Variants in KCNAB3 observed in about 807,000 individuals in gnomAD.
KCNAB3 encodes potassium voltage-gated channel subfamily A regulatory beta subunit 3.
In KCNAB3, 62 loss-of-function variants were observed where a neutral mutation model predicts 67.7. The observed-to-expected ratio is 0.92, with a 90% confidence interval of 0.75 to 1.13. The LOEUF (loss-of-function observed/expected upper bound fraction) is 1.13. Ranked by LOEUF, KCNAB3 falls within the 50% of genes most tolerant of loss-of-function variation. KCNAB3 has a pLI of 0.00. For synonymous variants in KCNAB3, 212 were observed against 205.4 expected (o/e 1.03, Z -0.27); for missense variants, 514 against 522.9 (o/e 0.98, Z 0.17).
rs1227137013 is a variant in KCNAB3 at position 7,929,699 on chromosome 17, A to C, written c.-264T>G. ...TACGGGGGACACAGGAGCAAGGATT[A>C]GGAGGGGGAAATGGATGAGGGTAAA... On this transcript the variant is annotated 5_prime_UTR_variant, in exon 1 of 14. Transcript: ENST00000303790. The surrounding 1 kb of genome is among the most constrained non-coding windows in gnomAD (Gnocchi z 5.7). 34 of 1,344,896 alleles carry C rather than the reference A, an allele frequency of 2.5e-5. No individual in the cohort carries two copies. The highest frequency in any genetic ancestry group is 3.2e-5 in the Non-Finnish European group (34 of 1,047,634). 83.3% of individuals were successfully genotyped at this position (1,344,896 alleles called of 1,614,324 possible).
chr17:7,927,965 G>A, intron 1 of KCNAB3, 139 bp from the exon 2 acceptor site: 1 of 958,498 alleles, frequency 1.0e-6, no homozygotes, highest in South Asian at 1.3e-5. Flanking sequence ...GGGCCTATAA[G>A]ATTGGGCAAG....
At chr17:7,925,870 CAT>C in intron 6 of KCNAB3, 59 bp downstream of exon 6, 1 of 1,516,026 alleles carries the variant, frequency 6.6e-7, no homozygotes, top group Non-Finnish European at 9.2e-7. Context: ...ACCCCCACCC[CAT>C]ACACCTTCAC....
At position 7,927,803 on chromosome 17, in the gene KCNAB3, C is replaced by T. The variant is rs752938707; in HGVS notation, c.266G>A (p.Arg89Gln). The change falls in exon 2 of 14, where the codon CGG becomes CAG. Residue 89 changes from arginine to glutamine, a missense_variant. Arg to Gln is a conservative substitution (Grantham distance 43). Transcript: ENST00000303790. ...CTCACCTAGGCCAAGACAGGATACC[C>T]GAAGACCAGACTTCCCTAGGTTCCT... ...KYRNLGKSGL[R>Q]VSCLGLGTWV... is the part of the protein sequence containing the mutation. The T allele has an allele frequency of 1.4e-5, 23 of 1,614,158 alleles. No individual in the cohort carries two copies. Among genetic ancestry groups the T allele is most frequent in the African/African-American group, 2.7e-5 (2 of 75,032 alleles).
At chr17:7,926,533 A>G (rs1972238323) in intron 4 of KCNAB3, among the ~76,000 whole-genome samples, 1 of 152,184 alleles carries the variant, frequency 6.6e-6, no homozygotes, top group Non-Finnish European at 1.5e-5. Flanking sequence ...TCTGAGTGCC[A>G]CAATCTATGG....
In KCNAB3 at chr17:7,923,985, A is replaced by G. The variant is rs773665896; in HGVS notation, c.910T>C (p.Cys304Arg). The change falls in exon 11 of 14, where the codon TGC becomes CGC. Residue 304 changes from cysteine (C) to arginine (R), a missense_variant. Coordinates refer to ENST00000303790, the MANE Select transcript of KCNAB3 (RefSeq NM_004732.4). Reference protein sequence around the residue: ...SKYDGRVPDTCRASIKGYQWL... With the variant: ...SKYDGRVPDTRRASIKGYQWL... ...GATCTCACCTTGATGGAGGCCCTGC[A>G]AGTATCTGGGACTCGCCCATCATAC... The G allele has an allele frequency of 1.9e-6, 3 of 1,613,112 alleles. No individual in the cohort carries two copies. The highest frequency in any genetic ancestry group is 1.7e-6 in the Non-Finnish European group (2 of 1,179,832).
At position 7,924,401 on chromosome 17, in the gene KCNAB3, G is replaced by T; in HGVS notation, c.711+14C>A. 6.2e-7 allele frequency: 1 copy of T among 1,612,518 alleles called. No individual in the cohort carries two copies. Among genetic ancestry groups the T allele is most frequent in the Non-Finnish European group, 8.5e-7 (1 of 1,178,964 alleles). On this transcript the variant is annotated intron_variant, in intron 9 of 13. Coordinates refer to ENST00000303790, the MANE Select transcript of KCNAB3 (RefSeq NM_004732.4). ...CAGTTGTGGGACAGGGGCAAGGTGG[G>T]GTCACACACTCACCATGATTTCTGC...
intron 1 of KCNAB3, chr17:7,928,294 G>A (rs906133540): frequency 4.9e-6 from 1 of 204,214 alleles, no homozygotes; most frequent in Non-Finnish European, 1.0e-5. Context: ...CAGACAGACA[G>A]GGGTCCCTGG....
Position 7,929,276 on chromosome 17 carries a change from G to T in KCNAB3, c.160C>A (p.Arg54=). Residue 54 remains arginine, a synonymous_variant, in exon 1 of 14, where the codon CGA becomes AGA. Transcript: ENST00000303790. This position sits in a 1 kb window ranked among gnomAD's most constrained non-coding sequence, Gnocchi z 5.7. ...PGGGGSGPKA[R]AALVPRPPAP... Reference sequence around the variant, plus strand: ...GGGGGTCGGGGAACCAGTGCAGCTCGGGCCTTGGGGCCAGACCCTCCACCC... The same window carrying T: ...GGGGGTCGGGGAACCAGTGCAGCTCTGGCCTTGGGGCCAGACCCTCCACCC... The T allele has an allele frequency of 1.3e-6, 2 of 1,596,630 alleles. No homozygotes were observed. Among genetic ancestry groups the T allele is most frequent in the Non-Finnish European group, 1.7e-6 (2 of 1,172,338 alleles).
Position 7,929,784 on chromosome 17 carries a change from A to T in KCNAB3, c.-349T>A, listed in dbSNP as rs1471057068. On this transcript the variant is annotated 5_prime_UTR_variant, in exon 1 of 14. Coordinates refer to ENST00000303790, the MANE Select transcript of KCNAB3 (RefSeq NM_004732.4). This position sits in a 1 kb window ranked among gnomAD's most constrained non-coding sequence, Gnocchi z 5.7. ...GACCCAGGGGGAAGCGGGGCGGGAG[A>T]GAGATGCCACTTCAGCGCGAACCGC... The T allele has an allele frequency of 3.5e-6, 4 of 1,139,086 alleles. No individual in the cohort carries two copies. The highest frequency in any genetic ancestry group is 3.2e-6 in the Non-Finnish European group (3 of 923,368). The allele number at this position is 1,139,086 out of a possible 1,614,324, so 70.6% of individuals were successfully genotyped here.
chr17:7,927,146 C>T (rs1049611033), intron 4 of KCNAB3, 198 bp downstream of exon 4: 12 of 641,840 alleles, frequency 1.9e-5, no homozygotes, highest in East Asian at 2.6e-5. Context: ...CTGCACAGTA[C>T]GCCCATTGAC....
chr17:7,924,188 C>G lies in KCNAB3; in HGVS notation c.789G>C (p.Arg263Ser). The G allele has an allele frequency of 6.2e-7, 1 of 1,614,228 alleles. No homozygotes were observed. Among genetic ancestry groups the G allele is most frequent in the Non-Finnish European group, 8.5e-7 (1 of 1,180,040 alleles). ...CEQAEHHLFQREKVEMQLPEL... is the reference protein window; with the variant it reads ...CEQAEHHLFQSEKVEMQLPEL... Reference sequence around the variant, plus strand: ...CTGGCAGCTGCATCTCCACCTTCTCCCTCTGAAACAGATGGTGCTCCGCTT... The same window carrying G: ...CTGGCAGCTGCATCTCCACCTTCTCGCTCTGAAACAGATGGTGCTCCGCTT... The change falls in exon 10 of 14, where the codon AGG (arginine) becomes AGC (serine). Residue 263 changes from arginine (R) to serine (S), a missense_variant. Coordinates refer to ENST00000303790, the MANE Select transcript of KCNAB3 (RefSeq NM_004732.4).
At position 7,924,425 on chromosome 17, in the gene KCNAB3, G is replaced by A. The variant is rs780427394; in HGVS notation, c.701C>T (p.Ala234Val). The A allele has an allele frequency of 2.1e-5, 34 of 1,613,744 alleles. No individual in the cohort carries two copies. The highest frequency in any genetic ancestry group is 1.2e-4 in the South Asian group (11 of 91,024). ...LYWGTSRWGAAEIMEAYSMAR... is the reference protein window; with the variant it reads ...LYWGTSRWGAVEIMEAYSMAR... ...GGGTCACACACTCACCATGATTTCT[G>A]CAGCCCCCCATCGGGATGTCCCCCA... The change falls in exon 9 of 14, where the codon GCA (alanine) becomes GTA (valine). Residue 234 changes from alanine to valine, a missense_variant. By Grantham distance (64) the Ala-to-Val change is moderately conservative. Transcript: ENST00000303790.
intron 2 of KCNAB3, 33 bp downstream of exon 2, chr17:7,927,750 G>A: frequency 1.2e-6 from 2 of 1,614,142 alleles, no homozygotes; most frequent in Non-Finnish European, 1.7e-6. Flanking sequence ...ATGAAAGAAT[G>A]CCCTCCTTTC....
In KCNAB3 at chr17:7,925,099, T is replaced by G. The variant is rs963454974; in HGVS notation, c.623A>C (p.Glu208Ala). ...ANRSDPNCPMEEIVRAMTYVI... is the reference protein window; with the variant it reads ...ANRSDPNCPMAEIVRAMTYVI... ...AGGTTTGGGGGTGCTGCTTTTACCC[T>G]CCATAGGACAGTTGGGGTCTGAGCG... Residue 208 changes from glutamate (E) to alanine (A), a missense_variant and splice_region_variant, in exon 8 of 14, where the codon GAG (glutamate) becomes GCG (alanine). Physicochemically the swap from Glu to Ala is moderately radical, Grantham distance 107. Transcript: ENST00000303790. The G allele has an allele frequency of 2.5e-6, 4 of 1,611,702 alleles. No individual in the cohort carries two copies. In the African/African-American group the frequency reaches 5.3e-5, roughly 22 times the overall value.
chr17:7,928,453 A>C (rs1195395748), intron 1 of KCNAB3: 1 of 161,482 alleles, frequency 6.2e-6, no homozygotes, highest in African/African-American at 2.4e-5. Context: ...GAGCCCCCTC[A>C]TCCTCCCAAA....
At chr17:7,925,053 G>T in intron 8 of KCNAB3, 44 bp downstream of exon 8, 1 of 1,562,142 alleles carries the variant, frequency 6.4e-7, no homozygotes, top group South Asian at 1.1e-5. Context: ...GCAAGGAAGT[G>T]CTCAGTTTTG....
rs150548205 is a variant in KCNAB3, at chr17:7,926,367, A to T, written c.405-264T>A. ...GTGGGTGCCAAAAAGATAGAATAGG[A>T]TGAGGGGAGAGGGGCCAACTATGGT... is the stretch of plus-strand genomic sequence containing the variant. On this transcript the variant is annotated intron_variant, in intron 4 of 13. Coordinates refer to ENST00000303790, the MANE Select transcript of KCNAB3 (RefSeq NM_004732.4). 5.3e-4 allele frequency among the ~76,000 whole-genome samples: 80 copies of T among 152,306 alleles called. 2 individuals carry two copies. In the East Asian group the frequency reaches 0.013, roughly 26 times the overall value.
At position 7,929,348 on chromosome 17, in the gene KCNAB3, C is replaced by A. The variant is rs1972349599; in HGVS notation, c.88G>T (p.Gly30Cys). 2 of 1,549,758 alleles carry A rather than the reference C, an allele frequency of 1.3e-6. No individual in the cohort carries two copies. The highest frequency in any genetic ancestry group is 2.4e-5 in the East Asian group (1 of 40,908). Residue 30 changes from glycine (G) to cysteine (C), a missense_variant, in exon 1 of 14, where the codon GGC (glycine) becomes TGC (cysteine). Transcript: ENST00000303790. The surrounding 1 kb of genome is among the most constrained non-coding windows in gnomAD (Gnocchi z 5.7). The part of the protein sequence containing the change: ...RLCGPRPGPG[G>C]GNGGPAGGGH... Reference sequence around the variant, plus strand: ...CCGCCGGCCGGCCCACCATTACCGCCCCCGGGGCCCGGCCGGGGTCCACAC... The same window carrying A: ...CCGCCGGCCGGCCCACCATTACCGCACCCGGGGCCCGGCCGGGGTCCACAC...
Position 7,924,014 on chromosome 17 carries a change from C to A in KCNAB3, c.881G>T (p.Ser294Ile). 1.2e-6 allele frequency: 2 copies of A among 1,613,942 alleles called. No homozygotes were observed. The highest frequency in any genetic ancestry group is 1.7e-6 in the Non-Finnish European group (2 of 1,179,992). The change falls in exon 11 of 14, where the codon AGC (serine) becomes ATC (isoleucine). Residue 294 changes from serine to isoleucine, a missense_variant. Coordinates refer to ENST00000303790, the MANE Select transcript of KCNAB3 (RefSeq NM_004732.4). ...ATCTGGGACTCGCCCATCATACTTG[C>A]TAGTAATGAGACCACAGGCTAGAGG... ...WYPLACGLIT[S>I]KYDGRVPDTC...
Sources: allele counts gnomAD v4.1 joint callset (sites outside exome capture counted in the v4.1 genomes callset), GRCh38; gene constraint gnomAD v4.1.1; non-coding constraint Gnocchi (gnomAD v3.1); transcripts MANE v1.5; gene names NCBI Gene and HGNC (gene_info 2026-07-23, HGNC 2026-07-21).